Variants in PLXNA4 observed in about 807,000 individuals in gnomAD.
PLXNA4 encodes plexin-A4.
In PLXNA4, 44 loss-of-function variants were observed where a neutral mutation model predicts 191.8. The ratio of observed to expected loss-of-function variants is 0.23; its 90% CI spans 0.18 to 0.29. The LOEUF (loss-of-function observed/expected upper bound fraction) is 0.29. PLXNA4 is among the 10% of genes least tolerant of loss of function. The pLI, the probability that PLXNA4 is intolerant of heterozygous loss-of-function variation, is 1.00. For synonymous variants in PLXNA4, 1,082 were observed against 1,009.5 expected (o/e 1.07, Z -1.36); for missense variants, 1,800 against 2,488.8 (o/e 0.72, Z 5.89).
intron 1 of PLXNA4, among the ~76,000 whole-genome samples, chr7:132,534,151 G>A (rs1328140201): frequency 1.3e-5 from 2 of 152,056 alleles, no homozygotes; most frequent in Non-Finnish European, 2.9e-5. Flanking sequence ...AGAGGAGAGG[G>A]GAACAGGAAT....
intron 4 of PLXNA4, among the ~76,000 whole-genome samples, chr7:132,252,447 G>A (rs1007305907): frequency 1.3e-5 from 2 of 151,574 alleles, no homozygotes; most frequent in Non-Finnish European, 2.9e-5. Context: ...GAGTAGCTGG[G>A]ACTACAGGTG....
chr7:132,356,540 C>T (rs1454514884), intron 3 of PLXNA4, among the ~76,000 whole-genome samples: 2 of 152,232 alleles, frequency 1.3e-5, no homozygotes, highest in Admixed American at 6.5e-5. Flanking sequence ...GGATGTCATC[C>T]TCTTCCTCTC....
intron 7 of PLXNA4, among the ~76,000 whole-genome samples, chr7:132,226,646 T>C (rs1798333913): frequency 6.6e-6 from 1 of 152,224 alleles, no homozygotes; most frequent in East Asian, 1.9e-4. Flanking sequence ...GTTTTGCATG[T>C]ATGTGTGTGT....
At chr7:132,585,885 T>C (rs1445645103) in intron 2 of PLXNA4, among the ~76,000 whole-genome samples, 1 of 152,208 alleles carries the variant, frequency 6.6e-6, no homozygotes, top group Non-Finnish European at 1.5e-5. Context: ...GGGGGGTTAG[T>C]GCTTCAACAT....
chr7:132,410,432 C>T (rs1031255023), intron 3 of PLXNA4, among the ~76,000 whole-genome samples: 4 of 152,198 alleles, frequency 2.6e-5, no homozygotes, highest in African/African-American at 7.2e-5. Flanking sequence ...CCTTGTCACT[C>T]GCACAGCTGA....
chr7:132,378,192 CAG>C (rs1804741369), intron 3 of PLXNA4, among the ~76,000 whole-genome samples: 1 of 152,182 alleles, frequency 6.6e-6, no homozygotes, highest in African/African-American at 2.4e-5. Context: ...CTAGCTGTGG[CAG>C]CTTGGTGTTT....
chr7:132,519,747 T>G (rs1799098890), intron 1 of PLXNA4, among the ~76,000 whole-genome samples: 1 of 152,212 alleles, frequency 6.6e-6, no homozygotes. Flanking sequence ...CAGCCAGTCA[T>G]GCATCAGCCA....
intron 4 of PLXNA4, among the ~76,000 whole-genome samples, chr7:132,243,957 C>T (rs973108506): frequency 4.6e-5 from 7 of 151,928 alleles, no homozygotes; most frequent in African/African-American, 1.7e-4. Context: ...GATATTTGCC[C>T]CTAAGCCATT....
At chr7:132,151,499 GGAGGAGGAGGAGAAA>G (rs1421504886) in intron 25 of PLXNA4, among the ~76,000 whole-genome samples, 9 of 101,692 alleles carry the variant, frequency 8.9e-5, no homozygotes, top group African/African-American at 4.1e-4. Context: ...AGAAGAAGGA[GGAGGAGGAGGAGAAA>G]GGAGGAGGAG....
chr7:132,468,062 G>A (rs926292660), intron 3 of PLXNA4, among the ~76,000 whole-genome samples: 1 of 152,148 alleles, frequency 6.6e-6, no homozygotes, highest in African/African-American at 2.4e-5. Flanking sequence ...ATCCATCCTG[G>A]TGTGACCGAG....
chr7:132,450,004 C>A (rs188814743), intron 3 of PLXNA4, among the ~76,000 whole-genome samples: 1 of 152,234 alleles, frequency 6.6e-6, no homozygotes, highest in East Asian at 1.9e-4. Context: ...CCCAGTCACA[C>A]TGTCCATTTC....
intron 29 of PLXNA4, among the ~76,000 whole-genome samples, chr7:132,142,449 T>C (rs1020149913): frequency 1.3e-5 from 2 of 152,226 alleles, no homozygotes; most frequent in Non-Finnish European, 2.9e-5. Flanking sequence ...ATCATTTCAA[T>C]AGAACCAGTA....
At chr7:132,498,130 A>AT (rs1487539799) in intron 2 of PLXNA4, among the ~76,000 whole-genome samples, 25 of 152,160 alleles carry the variant, frequency 1.6e-4, no homozygotes. Context: ...ACAATAAGGG[A>AT]TTTTTGAGAG....
intron 3 of PLXNA4, among the ~76,000 whole-genome samples, chr7:132,469,549 T>C (rs1796852046): frequency 6.6e-6 from 1 of 152,222 alleles, no homozygotes; most frequent in African/African-American, 2.4e-5. Flanking sequence ...CTTTCAATAA[T>C]TTGATTGTGG....
In PLXNA4 at chr7:132,466,693, T is replaced by G. The variant is rs567835029; in HGVS notation, c.1371+22599A>C. 1.5e-4 allele frequency among the ~76,000 whole-genome samples: 23 copies of G among 152,312 alleles called. No individual in the cohort carries two copies. In the East Asian group the frequency reaches 4.4e-3, roughly 29 times the overall value. On this transcript the variant is annotated intron_variant, in intron 3 of 31. Coordinates refer to ENST00000321063, the MANE Select transcript of PLXNA4 (RefSeq NM_020911.2). Reference sequence around the variant, plus strand: ...CACCCCCACAGCAATTCTCTTTATGTGTAACCCCCTCCCTCGGGGGCAGTC... The same window carrying G: ...CACCCCCACAGCAATTCTCTTTATGGGTAACCCCCTCCCTCGGGGGCAGTC...
intron 3 of PLXNA4, among the ~76,000 whole-genome samples, chr7:132,315,686 A>G (rs866979786): frequency 1.3e-5 from 2 of 152,332 alleles, no homozygotes; most frequent in Middle Eastern, 6.8e-3. Context: ...TCTGGTGGCC[A>G]TGGAGAGGAA....
Position 132,428,536 on chromosome 7 carries a change from GATTT to G in PLXNA4, c.1371+60752_1371+60755del, listed in dbSNP as rs1795138237. Among the ~76,000 whole-genome samples, 3 of 152,222 alleles carry G rather than the reference GATTT, an allele frequency of 2.0e-5. No individual in the cohort carries two copies. In the South Asian group the frequency reaches 6.2e-4, roughly 32 times the overall value. ...CTCTAGGGCCCGAGAGCAGGCGGGAGATTTATTATTTTGGGGTGATTAAACCGAA... is the reference window on the plus strand; with the variant it reads ...CTCTAGGGCCCGAGAGCAGGCGGGAGATTATTTTGGGGTGATTAAACCGAA... On this transcript the variant is annotated intron_variant, in intron 3 of 31. Transcript: ENST00000321063.
intron 1 of PLXNA4, among the ~76,000 whole-genome samples, chr7:132,565,195 G>C (rs1370085733): frequency 1.3e-5 from 2 of 152,110 alleles, no homozygotes; most frequent in African/African-American, 4.8e-5. Flanking sequence ...CTCACCTCCT[G>C]GGCTGCAGAC....
intron 3 of PLXNA4, among the ~76,000 whole-genome samples, chr7:132,475,505 C>T (rs772555296): frequency 5.3e-5 from 8 of 152,190 alleles, no homozygotes; most frequent in Non-Finnish European, 1.2e-4. Flanking sequence ...TCACTGCATC[C>T]CCCAATCCCA....
Sources: gnomAD v4.1 joint callset for allele counts (sites outside exome capture counted in the v4.1 genomes callset) on GRCh38, gnomAD v4.1.1 for gene constraint, MANE v1.5 for transcripts, NCBI Gene and HGNC (gene_info 2026-07-23, HGNC 2026-07-21) for gene names.